Variants in DCST1 observed in about 807,000 individuals in gnomAD.
DCST1 encodes E3 ubiquitin-protein ligase DCST1.
DCST1 carries 78 observed loss-of-function variants against 89.1 expected under a neutral mutation model. That is an observed-to-expected ratio of 0.88 (90% CI 0.73 to 1.06). The LOEUF is 1.06. DCST1 is among the 50% of genes least tolerant of loss of function. The probability of loss-of-function intolerance (pLI) is 0.00; values close to 1 mark genes in which losing one functional copy is unlikely to be tolerated. For synonymous variants in DCST1, 364 were observed against 371.9 expected (o/e 0.98, Z 0.24); for missense variants, 900 against 928.6 (o/e 0.97, Z 0.40).
intron 10 of DCST1, among the ~76,000 whole-genome samples, chr1:155,045,028 C>A (rs531472506): frequency 2.5e-4 from 38 of 152,240 alleles, no homozygotes; most frequent in South Asian, 1.0e-3. Context: ...ACTGAAAGGA[C>A]AGCTGGCGGG....
At chr1:155,038,053 A>G (rs1352633977) in intron 4 of DCST1, among the ~76,000 whole-genome samples, 1 of 152,260 alleles carries the variant, frequency 6.6e-6, no homozygotes, top group Non-Finnish European at 1.5e-5. Context: ...AGAAGGCACA[A>G]AAAAAACTGT....
At position 155,050,828 on chromosome 1, in the gene DCST1, C is replaced by T; in HGVS notation, c.2081C>T (p.Ala694Val). The T allele has an allele frequency of 6.2e-7, 1 of 1,612,980 alleles. No individual in the cohort carries two copies. Among genetic ancestry groups the T allele is most frequent in the South Asian group, 1.1e-5 (1 of 91,022 alleles). ...CCCCGCGAAGAGCTCTCTTCCTCCG[C>T]CTTTAGTGACAGCAACGACGACACT... Reference protein sequence around the residue: ...CTPREELSSSAFSDSNDDTAY... With the variant: ...CTPREELSSSVFSDSNDDTAY... The change falls in exon 17 of 17, where the codon GCC becomes GTC. Residue 694 changes from alanine to valine, a missense_variant. Ala to Val is a moderately conservative substitution (Grantham distance 64, BLOSUM62 0). Coordinates refer to ENST00000295542, the MANE Select transcript of DCST1 (RefSeq NM_152494.4).
In DCST1 at chr1:155,034,043, A is replaced by G. The variant is rs1660189551; in HGVS notation, c.7A>G (p.Ile3Val). ...GCTTCCCCAAAACAGACTCATGGAC[A>G]TTAAACATCATCAGAATGGCACAAG... MD[I>V]KHHQNGTRGQ... Residue 3 changes from isoleucine (I) to valine (V), a missense_variant, in exon 2 of 17, where the codon ATT (isoleucine) becomes GTT (valine). By Grantham distance (29) the Ile-to-Val change is conservative (BLOSUM62 3). Transcript: ENST00000295542. The G allele has an allele frequency of 6.2e-7, 1 of 1,614,034 alleles. No individual in the cohort carries two copies. Among genetic ancestry groups the G allele is most frequent in the Admixed American group, 1.7e-5 (1 of 60,002 alleles).
chr1:155,044,827 A>G (rs1480035918), intron 10 of DCST1, among the ~76,000 whole-genome samples: 1 of 148,010 alleles, frequency 6.8e-6, no homozygotes, highest in Non-Finnish European at 1.5e-5. Flanking sequence ...GGAAGTCTGG[A>G]GGGAGGGCGG....
intron 10 of DCST1, among the ~76,000 whole-genome samples, chr1:155,044,142 G>A (rs928113350): frequency 2.6e-5 from 4 of 152,198 alleles, no homozygotes; most frequent in African/African-American, 9.7e-5. Context: ...TGTATCTAGG[G>A]CCCCATGGGA....
At chr1:155,043,761 T>C (rs1660514047) in intron 10 of DCST1, among the ~76,000 whole-genome samples, 1 of 152,200 alleles carries the variant, frequency 6.6e-6, no homozygotes, top group Non-Finnish European at 1.5e-5. Flanking sequence ...TTTATCCCAA[T>C]ACTGATTTTT....
Position 155,041,711 on chromosome 1 carries a change from C to T in DCST1, c.749-3C>T, listed in dbSNP as rs745980810. The T allele has an allele frequency of 1.4e-5, 23 of 1,614,082 alleles. 1 individual carries two copies. Among genetic ancestry groups the T allele is most frequent in the Non-Finnish European group, 1.9e-5 (23 of 1,180,044 alleles). On this transcript the variant is annotated splice_region_variant and splice_polypyrimidine_tract_variant and intron_variant, in intron 7 of 16. Transcript: ENST00000295542. ...CCTCAGACACCCTTGCTCCTTCCTA[C>T]AGATGTGGTGAACCAGGCCATACTC...
intron 6 of DCST1, 70 bp from the exon 7 acceptor site, chr1:155,041,327 C>A: frequency 6.6e-7 from 1 of 1,526,338 alleles, no homozygotes; most frequent in Non-Finnish European, 9.0e-7. Flanking sequence ...TGGGGGAGGA[C>A]AGGCCCTCAG....
chr1:155,049,895 T>G (rs1054075146), intron 16 of DCST1, among the ~76,000 whole-genome samples: 2 of 152,218 alleles, frequency 1.3e-5, no homozygotes, highest in Non-Finnish European at 2.9e-5. Flanking sequence ...CCAAGCAGAA[T>G]GTGCAAAGAC....
In DCST1 at chr1:155,046,106, G is replaced by A. The variant is rs1660614047; in HGVS notation, c.1273-19G>A. The stretch of plus-strand genomic sequence containing the variant: ...GAGGGCCCTTGGGCTTCCTAACTGT[G>A]TGGACATTTGTTTTCCAGGGCAAAC... On this transcript the variant is annotated intron_variant, in intron 11 of 16. Transcript: ENST00000295542. The A allele has an allele frequency of 6.2e-7, 1 of 1,614,076 alleles. No individual in the cohort carries two copies. The highest frequency in any genetic ancestry group is 1.3e-5 in the African/African-American group (1 of 74,920).
Position 155,041,615 on chromosome 1 carries a change from T to G in DCST1, c.748+2T>G. On this transcript the variant is annotated splice_donor_variant, in intron 7 of 16. Coordinates refer to ENST00000295542, the MANE Select transcript of DCST1 (RefSeq NM_152494.4). LOFTEE classifies it high-confidence loss of function. ...TGAAGACCAAGCTGCGTTGCTCCTG[T>G]GAGGGGTATCCCTGGGGAGTGGAGG... is the stretch of plus-strand genomic sequence containing the variant. 1.2e-6 allele frequency: 2 copies of G among 1,614,028 alleles called. No homozygotes were observed. The highest frequency in any genetic ancestry group is 1.7e-6 in the Non-Finnish European group (2 of 1,179,980).
intron 4 of DCST1, among the ~76,000 whole-genome samples, chr1:155,036,958 C>G (rs1457627623): frequency 1.3e-5 from 2 of 152,230 alleles, no homozygotes; most frequent in Non-Finnish European, 2.9e-5. Flanking sequence ...AATGGGGTCT[C>G]GCTATATTGC....
intron 6 of DCST1, among the ~76,000 whole-genome samples, chr1:155,041,171 G>T (rs1047455680): frequency 6.6e-6 from 1 of 152,134 alleles, no homozygotes; most frequent in African/African-American, 2.4e-5. Context: ...TGGGAGGTAC[G>T]CAGAGCCAGG....
At chr1:155,050,000 C>T (rs1660837606) in intron 16 of DCST1, among the ~76,000 whole-genome samples, 1 of 152,190 alleles carries the variant, frequency 6.6e-6, no homozygotes, top group South Asian at 2.1e-4. Flanking sequence ...AGGAAAGAGG[C>T]TAGAAAGGGA....
In DCST1 at chr1:155,047,208, T is replaced by C. The variant is rs754264279; in HGVS notation, c.1508T>C (p.Leu503Pro). The change falls in exon 14 of 17, where the codon CTG becomes CCG. Residue 503 changes from leucine (L) to proline (P), a missense_variant. Physicochemically the swap from Leu to Pro is moderately conservative, Grantham distance 98. Transcript: ENST00000295542. ...LQYSFRSSHK[L>P]EVKVGGDSML... is the part of the protein sequence containing the mutation. ...CTCCTGGCCGCAGGCAGTCATAAAC[T>C]GGAGGTGAAGGTCGGGGGAGACTCC... 12 of 1,614,010 alleles carry C rather than the reference T, an allele frequency of 7.4e-6. No individual in the cohort carries two copies. The highest frequency in any genetic ancestry group is 9.3e-6 in the Non-Finnish European group (11 of 1,180,008).
intron 8 of DCST1, 44 bp downstream of exon 8, chr1:155,041,901 C>G (rs1660452020): frequency 6.2e-7 from 1 of 1,610,552 alleles, no homozygotes; most frequent in African/African-American, 1.3e-5. Context: ...GGGTAGGGAG[C>G]TGAGTCCTTG....
chr1:155,036,897 C>T (rs774307565), intron 4 of DCST1, among the ~76,000 whole-genome samples: 29 of 152,238 alleles, frequency 1.9e-4, no homozygotes, highest in Non-Finnish European at 3.7e-4. Context: ...GGAGTGCACA[C>T]GTCCGTGCCC....
chr1:155,047,741 C>T, intron 14 of DCST1, 46 bp from the exon 15 acceptor site: 1 of 1,587,770 alleles, frequency 6.3e-7, no homozygotes, highest in South Asian at 1.1e-5. Context: ...GGCTGCCCTG[C>T]CCCTTGGCTG....
intron 1 of DCST1, 21 bp from the exon 2 acceptor site, chr1:155,033,951 G>A: frequency 6.6e-7 from 1 of 1,526,132 alleles, no homozygotes; most frequent in East Asian, 2.3e-5. Context: ...GAGACAGGCA[G>A]CACCTCTCTT....
Sources: allele counts gnomAD v4.1 joint callset (sites outside exome capture counted in the v4.1 genomes callset), GRCh38; gene constraint gnomAD v4.1.1; transcripts MANE v1.5; gene names NCBI Gene and HGNC (gene_info 2026-07-23, HGNC 2026-07-21).